The following SCML4 variants were observed in gnomAD, a reference collection of about 807,000 sequenced individuals.
SCML4 encodes Scm polycomb group protein like 4, also known as sex comb on midleg-like protein 4.
Under a neutral mutation model 41.1 loss-of-function variants are expected in SCML4, and 34 were observed. That is an observed-to-expected ratio of 0.83 (90% CI 0.63 to 1.10). The LOEUF is 1.10. Among genes scored for constraint, SCML4 ranks in the 50% least tolerant of loss-of-function variants. SCML4 has a pLI of 0.00. For missense variants in SCML4, 522 were observed against 534.1 expected (o/e 0.98, Z 0.22); for synonymous variants, 214 against 220.9 (o/e 0.97, Z 0.28).
chr6:107,808,101 G>A (rs532255016), intron 1 of SCML4, among the ~76,000 whole-genome samples: 1 of 152,238 alleles, frequency 6.6e-6, no homozygotes, highest in African/African-American at 2.4e-5. Flanking sequence ...GTGTCTGTCT[G>A]ACTGCCTGCT....
chr6:107,792,064 C>T (rs1055979184), intron 1 of SCML4, among the ~76,000 whole-genome samples: 1 of 152,182 alleles, frequency 6.6e-6, no homozygotes, highest in African/African-American at 2.4e-5. Context: ...CAGAGGACTG[C>T]TATAATCATG....
At chr6:107,750,957 T>C (rs1173972919) in intron 2 of SCML4, among the ~76,000 whole-genome samples, 1 of 152,208 alleles carries the variant, frequency 6.6e-6, no homozygotes, top group African/African-American at 2.4e-5. Flanking sequence ...CTAATAATAG[T>C]CATGGAGAAA....
chr6:107,722,776 A>C (rs758381982), intron 5 of SCML4, among the ~76,000 whole-genome samples: 1 of 152,246 alleles, frequency 6.6e-6, no homozygotes, highest in Non-Finnish European at 1.5e-5. Flanking sequence ...AAGTCTTTGA[A>C]GATGTGATAC....
At chr6:107,787,932 A>G (rs981581941) in intron 1 of SCML4, among the ~76,000 whole-genome samples, 4 of 152,268 alleles carry the variant, frequency 2.6e-5, no homozygotes, top group African/African-American at 9.6e-5. Context: ...ACACTTTGTT[A>G]CTGCTATGTA....
At chr6:107,845,935 G>C in the SCML4 span, among the ~76,000 whole-genome samples, 2 of 152,212 alleles carry the variant, frequency 1.3e-5, no homozygotes, top group African/African-American at 4.8e-5. Context: ...TTCCAGTGAA[G>C]GTCCTGTCCC....
intron 1 of SCML4, among the ~76,000 whole-genome samples, chr6:107,773,647 GA>G (rs1780695831): frequency 6.8e-6 from 1 of 147,224 alleles, no homozygotes; most frequent in South Asian, 2.2e-4. Context: ...CCTAAACCTT[GA>G]AGCAAGAGGT....
intron 3 of SCML4, among the ~76,000 whole-genome samples, chr6:107,747,344 G>T (rs557116153): frequency 8.5e-5 from 13 of 152,194 alleles, no homozygotes; most frequent in Admixed American, 6.5e-4. Context: ...TCACTCCAGA[G>T]ACTATATATT....
chr6:107,738,236 T>C (rs1360316799), intron 5 of SCML4, among the ~76,000 whole-genome samples: 3 of 152,188 alleles, frequency 2.0e-5, no homozygotes, highest in African/African-American at 7.2e-5. Flanking sequence ...TGTCAGCTAA[T>C]AGAATTGGAG....
intron 1 of SCML4, among the ~76,000 whole-genome samples, chr6:107,792,575 C>T (rs1027799184): frequency 6.6e-6 from 1 of 151,720 alleles, no homozygotes; most frequent in African/African-American, 2.4e-5. Flanking sequence ...ACTAAAAATA[C>T]AAAAAAATTA....
Position 107,787,639 on chromosome 6 carries a change from A to G in SCML4, c.-59-15253T>C, listed in dbSNP as rs1469733152. Among the ~76,000 whole-genome samples, 5 of 152,370 alleles carry G rather than the reference A, an allele frequency of 3.3e-5. No homozygotes were observed. The East Asian group carries it at 9.6e-4, about 29-fold the overall frequency. The stretch of plus-strand genomic sequence containing the variant: ...TTTTTGTAATATAAACCAACAGTAT[A>G]GCTAGATTCCTTTCACATACTTTGC... On this transcript the variant is annotated intron_variant, in intron 1 of 7. Transcript: ENST00000369020.
At chr6:107,817,492 C>A (rs1468728132) in intron 1 of SCML4, among the ~76,000 whole-genome samples, 1 of 151,854 alleles carries the variant, frequency 6.6e-6, no homozygotes, top group Non-Finnish European at 1.5e-5. Context: ...TGGCAGGTGC[C>A]TGTAATCCCA....
intron 5 of SCML4, among the ~76,000 whole-genome samples, chr6:107,743,234 C>T (rs542656847): frequency 1.3e-5 from 2 of 152,280 alleles, no homozygotes; most frequent in South Asian, 2.1e-4. Flanking sequence ...ATCACCCTGA[C>T]CTGGACATAT....
chr6:107,819,016 T>C (rs1784755738), intron 1 of SCML4, among the ~76,000 whole-genome samples: 1 of 152,128 alleles, frequency 6.6e-6, no homozygotes, highest in African/African-American at 2.4e-5. Flanking sequence ...GAAAATATTT[T>C]CTTCAGTTCA....
chr6:107,764,757 G>A (rs138122789), intron 2 of SCML4, among the ~76,000 whole-genome samples: 2,136 of 152,280 alleles, frequency 0.014, 16 homozygotes, highest in Non-Finnish European at 0.022. Flanking sequence ...TAATTCCCAC[G>A]TGTTGTGGGA....
Position 107,772,344 on chromosome 6 carries a change from C to T in SCML4, c.-17G>A. 1 of 1,546,042 alleles carries T rather than the reference C, an allele frequency of 6.5e-7. No homozygotes were observed. Among genetic ancestry groups the T allele is most frequent in the Non-Finnish European group, 8.7e-7 (1 of 1,144,604 alleles). The stretch of plus-strand genomic sequence containing the variant: ...AGACTGCATTTCTGCTGGTGCCAGT[C>T]TTACAGAATGAGGTGACAAATCGCT... On this transcript the variant is annotated 5_prime_UTR_variant, in exon 2 of 8. Coordinates refer to ENST00000369020, the MANE Select transcript of SCML4 (RefSeq NM_198081.5).
chr6:107,820,010 G>A (rs1028738143), intron 1 of SCML4, among the ~76,000 whole-genome samples: 8 of 152,168 alleles, frequency 5.3e-5, no homozygotes, highest in Non-Finnish European at 1.2e-4. Flanking sequence ...TCTCCTCCGC[G>A]GCAGCAAAGG....
At chr6:107,722,853 A>C (rs1180474400) in intron 5 of SCML4, among the ~76,000 whole-genome samples, 30 of 152,236 alleles carry the variant, frequency 2.0e-4, no homozygotes. Flanking sequence ...AAAGATCTCA[A>C]ATGAATAACC....
the SCML4 span, among the ~76,000 whole-genome samples, chr6:107,843,314 C>A: frequency 1.3e-5 from 2 of 152,064 alleles, no homozygotes; most frequent in Non-Finnish European, 2.9e-5. Context: ...GGAAAAAAGG[C>A]ATATTATATT....
chr6:107,801,398 G>T (rs958276611), intron 1 of SCML4, among the ~76,000 whole-genome samples: 1 of 152,062 alleles, frequency 6.6e-6, no homozygotes, highest in Non-Finnish European at 1.5e-5. Context: ...TCTCCTTGGC[G>T]AGACTCCAGT....
Sources: allele counts gnomAD v4.1 joint callset (sites outside exome capture counted in the v4.1 genomes callset), GRCh38; gene constraint gnomAD v4.1.1; transcripts MANE v1.5; gene names NCBI Gene and HGNC (gene_info 2026-07-23, HGNC 2026-07-21).